The following ROBO2 variants were observed in gnomAD, a reference collection of about 807,000 sequenced individuals.
The protein encoded by ROBO2 is roundabout homolog 2.
ROBO2 carries 53 observed loss-of-function variants against 160.8 expected under a neutral mutation model. The observed-to-expected ratio is 0.33, with a 90% CI of 0.26 to 0.41. The LOEUF (loss-of-function observed/expected upper bound fraction) is 0.41, where lower values mean the gene tolerates loss of function less well. ROBO2 is among the 10% of genes least tolerant of loss of function. The pLI is 1.00. For synonymous variants in ROBO2, 664 were observed against 611.7 expected, an observed-to-expected ratio of 1.09 and a Z score of -1.26; for missense variants, 1,577 against 1,722.4, an observed-to-expected ratio of 0.92 and a Z score of 1.49.
intron 2 of ROBO2, among the ~76,000 whole-genome samples, chr3:76,623,100 T>TG (rs1329304372): frequency 6.6e-6 from 1 of 152,132 alleles, no homozygotes; most frequent in Non-Finnish European, 1.5e-5. Context: ...TAGTTATGGC[T>TG]TTTTCTACTG....
chr3:77,202,494 G>A (rs2083008646), intron 2 of ROBO2, among the ~76,000 whole-genome samples: 1 of 152,082 alleles, frequency 6.6e-6, no homozygotes, highest in South Asian at 2.1e-4. Context: ...GAAATGAGCT[G>A]GGAGGAGGTT....
chr3:77,174,255 A>G (rs1237030987), intron 2 of ROBO2, among the ~76,000 whole-genome samples: 1 of 152,076 alleles, frequency 6.6e-6, no homozygotes, highest in Middle Eastern at 3.2e-3. Context: ...GAAATTTTAA[A>G]TGAAAACATG....
At chr3:77,319,443 T>C (rs1184221031) in intron 2 of ROBO2, among the ~76,000 whole-genome samples, 1 of 152,168 alleles carries the variant, frequency 6.6e-6, no homozygotes, top group Non-Finnish European at 1.5e-5. Flanking sequence ...TGCAAACTGA[T>C]AACCCAATTG....
At chr3:77,080,650 C>G (rs373629714) in intron 1 of ROBO2, among the ~76,000 whole-genome samples, 1 of 152,062 alleles carries the variant, frequency 6.6e-6, no homozygotes, top group Non-Finnish European at 1.5e-5. Flanking sequence ...CCTCTCTGCT[C>G]GAGAATTTGT....
chr3:76,705,118 A>G (rs537472744), intron 2 of ROBO2, among the ~76,000 whole-genome samples: 1 of 152,232 alleles, frequency 6.6e-6, no homozygotes, highest in African/African-American at 2.4e-5. Context: ...ACACAAATAC[A>G]GGAGACTGGA....
At chr3:76,368,329 G>C (rs1350321614) in intron 2 of ROBO2, among the ~76,000 whole-genome samples, 1 of 151,888 alleles carries the variant, frequency 6.6e-6, no homozygotes, top group Non-Finnish European at 1.5e-5. Context: ...AAACTTAGCA[G>C]CTTAAAACAA....
chr3:76,249,438 C>T (rs1705844826), intron 2 of ROBO2, among the ~76,000 whole-genome samples: 1 of 151,290 alleles, frequency 6.6e-6, no homozygotes, highest in African/African-American at 2.5e-5. Context: ...CTTATGATAA[C>T]TCAACTATTT....
intron 2 of ROBO2, among the ~76,000 whole-genome samples, chr3:76,420,276 A>C (rs2108916316): frequency 6.6e-6 from 1 of 152,222 alleles, no homozygotes. Flanking sequence ...CAACCTCCCA[A>C]AGTGCTGGGA....
chr3:77,161,109 T>G (rs2078450212), intron 2 of ROBO2, among the ~76,000 whole-genome samples: 1 of 152,182 alleles, frequency 6.6e-6, no homozygotes, highest in Non-Finnish European at 1.5e-5. Flanking sequence ...TGGCCTGCAC[T>G]TCTCAGAAAG....
chr3:76,520,834 A>G (rs2081573759), intron 2 of ROBO2, among the ~76,000 whole-genome samples: 1 of 152,154 alleles, frequency 6.6e-6, no homozygotes. Flanking sequence ...TTTGAATTTT[A>G]AAAAGGGCCT....
At chr3:76,024,204 T>G (rs1391241334) in intron 2 of ROBO2, among the ~76,000 whole-genome samples, 1 of 151,484 alleles carries the variant, frequency 6.6e-6, no homozygotes, top group Non-Finnish European at 1.5e-5. Context: ...GAGCCATGAC[T>G]GTTTTTCCAG....
intron 2 of ROBO2, among the ~76,000 whole-genome samples, chr3:77,132,029 A>G (rs1320216193): frequency 1.3e-5 from 2 of 152,120 alleles, no homozygotes; most frequent in African/African-American, 4.8e-5. Flanking sequence ...CATTTAAAAT[A>G]TGTTTAAACT....
intron 2 of ROBO2, among the ~76,000 whole-genome samples, chr3:76,298,638 A>G (rs777680576): frequency 6.6e-6 from 1 of 152,196 alleles, no homozygotes; most frequent in Non-Finnish European, 1.5e-5. Context: ...TAAATCTGTT[A>G]TCTTGTTTAA....
chr3:76,762,399 A>T (rs1370907685), intron 2 of ROBO2, among the ~76,000 whole-genome samples: 1 of 150,766 alleles, frequency 6.6e-6, no homozygotes, highest in Non-Finnish European at 1.5e-5. Flanking sequence ...AAGCAATAAT[A>T]TGTTCTTTAA....
chr3:76,778,348 G>A (rs1474174268), intron 2 of ROBO2, among the ~76,000 whole-genome samples: 1 of 151,160 alleles, frequency 6.6e-6, no homozygotes, highest in African/African-American at 2.4e-5. Context: ...TAGTTCTAGT[G>A]TGTATGAGCT....
chr3:76,928,992 G>A (rs1316880348), intron 2 of ROBO2, among the ~76,000 whole-genome samples: 2 of 152,054 alleles, frequency 1.3e-5, no homozygotes, highest in South Asian at 2.1e-4. Context: ...GGGTGTGGTG[G>A]CTCACACTTG....
At chr3:77,180,406 C>CTA (rs1553821321) in intron 2 of ROBO2, among the ~76,000 whole-genome samples, 41 of 104,096 alleles carry the variant, frequency 3.9e-4, no homozygotes, top group African/African-American at 1.2e-3. Flanking sequence ...CTCTCTCTCT[C>CTA]TCTCTCTCTC....
intron 2 of ROBO2, among the ~76,000 whole-genome samples, chr3:76,600,827 G>A (rs753831260): frequency 1.4e-4 from 21 of 152,050 alleles, no homozygotes; most frequent in Non-Finnish European, 2.9e-4. Flanking sequence ...GTCCCCCAAA[G>A]CCTTAACTCA....
At chr3:76,746,623 A>C (rs2108140474) in intron 2 of ROBO2, among the ~76,000 whole-genome samples, 1 of 152,234 alleles carries the variant, frequency 6.6e-6, no homozygotes, top group South Asian at 2.1e-4. Flanking sequence ...ATACTGGCAA[A>C]CCGAATCCAG....
Sources: allele counts gnomAD v4.1 joint callset (sites outside exome capture counted in the v4.1 genomes callset), GRCh38; gene constraint gnomAD v4.1.1; transcripts MANE v1.5; gene names NCBI Gene and HGNC (gene_info 2026-07-23, HGNC 2026-07-21).